Variants in KDM4C observed in about 807,000 individuals in gnomAD.
KDM4C encodes lysine-specific demethylase 4C.
Under a neutral mutation model 129.3 loss-of-function variants are expected in KDM4C, and 81 were observed. The ratio of observed to expected loss-of-function variants is 0.63; its 90% CI spans 0.52 to 0.75. The LOEUF (loss-of-function observed/expected upper bound fraction) is 0.75. KDM4C is among the 30% of genes least tolerant of loss of function. The pLI is 0.00. For synonymous variants in KDM4C, 573 were observed against 456.1 expected (o/e 1.26, Z -3.26); for missense variants, 1,457 against 1,304.0 (o/e 1.12, Z -1.81).
chr9:6,750,476 T>C (rs1488329171), intron 1 of KDM4C, among the ~76,000 whole-genome samples: 3 of 150,274 alleles, frequency 2.0e-5, no homozygotes, highest in Non-Finnish European at 4.4e-5. Flanking sequence ...GCAAAAGCAC[T>C]TGAAGCGAAA....
At chr9:6,950,419 C>T (rs747712815) in intron 8 of KDM4C, among the ~76,000 whole-genome samples, 5 of 152,002 alleles carry the variant, frequency 3.3e-5, no homozygotes, top group Non-Finnish European at 5.9e-5. Context: ...AGAGTGCAGC[C>T]TCTAGGTATG....
chr9:6,798,806 G>T (rs1360552661), intron 2 of KDM4C, among the ~76,000 whole-genome samples: 1 of 152,166 alleles, frequency 6.6e-6, no homozygotes, highest in African/African-American at 2.4e-5. Context: ...TCACTTCCCC[G>T]TAGGGGCGGC....
intron 1 of KDM4C, among the ~76,000 whole-genome samples, chr9:6,728,720 C>G (rs1349981337): frequency 6.6e-6 from 1 of 151,694 alleles, no homozygotes; most frequent in Non-Finnish European, 1.5e-5. Context: ...GTGGCGCATG[C>G]CTATAATCCC....
At chr9:7,098,483 G>A (rs1836704714) in intron 17 of KDM4C, among the ~76,000 whole-genome samples, 1 of 152,174 alleles carries the variant, frequency 6.6e-6, no homozygotes, top group Admixed American at 6.5e-5. Flanking sequence ...AACTTTTGGG[G>A]AAGAGAGACA....
At chr9:6,970,803 C>G (rs1484448995) in intron 8 of KDM4C, among the ~76,000 whole-genome samples, 2 of 140,266 alleles carry the variant, frequency 1.4e-5, no homozygotes, top group Admixed American at 1.4e-4. Context: ...ACCCCCCGCC[C>G]CTAACCCCCA....
chr9:6,959,132 C>G (rs1222785652), intron 8 of KDM4C, among the ~76,000 whole-genome samples: 3 of 152,160 alleles, frequency 2.0e-5, no homozygotes, highest in Non-Finnish European at 2.9e-5. Context: ...AATGACTTAG[C>G]TTGATGTAGA....
chr9:6,948,559 A>G (rs1193565286), intron 8 of KDM4C, among the ~76,000 whole-genome samples: 1 of 149,200 alleles, frequency 6.7e-6, no homozygotes, highest in Non-Finnish European at 1.5e-5. Context: ...TCATAGGACA[A>G]TAGTGGAGGG....
chr9:7,100,631 C>T (rs1836968380), intron 17 of KDM4C, among the ~76,000 whole-genome samples: 1 of 152,210 alleles, frequency 6.6e-6, no homozygotes, highest in Non-Finnish European at 1.5e-5. Flanking sequence ...TGAGCCACCA[C>T]TCTCAGCCTA....
chr9:7,000,451 A>G (rs1455022437), intron 12 of KDM4C, among the ~76,000 whole-genome samples: 3 of 152,196 alleles, frequency 2.0e-5, no homozygotes, highest in East Asian at 1.9e-4. Flanking sequence ...AGATGATAAG[A>G]AAGAGTTTGA....
chr9:6,730,726 C>A (rs1817304660), intron 1 of KDM4C, among the ~76,000 whole-genome samples: 1 of 152,132 alleles, frequency 6.6e-6, no homozygotes, highest in Non-Finnish European at 1.5e-5. Flanking sequence ...AGGGATGCCT[C>A]ATGGTCAGAA....
intron 15 of KDM4C, among the ~76,000 whole-genome samples, chr9:7,022,580 C>T (rs1258469390): frequency 1.3e-5 from 2 of 150,406 alleles, no homozygotes; most frequent in East Asian, 1.9e-4. Context: ...AAGATTATAT[C>T]ATCTGCAAAC....
chr9:7,174,245 C>G (rs1259762395), intron 21 of KDM4C, among the ~76,000 whole-genome samples: 2 of 32,310 alleles, frequency 6.2e-5, no homozygotes, highest in Non-Finnish European at 1.3e-4. Flanking sequence ...TGACATTTGT[C>G]AAAAACAGAG....
At chr9:7,109,731 C>A (rs559461284) in intron 18 of KDM4C, among the ~76,000 whole-genome samples, 1 of 152,248 alleles carries the variant, frequency 6.6e-6, no homozygotes, top group South Asian at 2.1e-4. Context: ...AAATTTTCTT[C>A]TTGATGTTCT....
chr9:7,038,860 G>A (rs968792424), intron 15 of KDM4C, among the ~76,000 whole-genome samples: 1 of 151,718 alleles, frequency 6.6e-6, no homozygotes, highest in African/African-American at 2.4e-5. Flanking sequence ...TATTCTTGAG[G>A]TTGGTTTTCT....
chr9:6,920,323 A>G (rs528149476), intron 8 of KDM4C, among the ~76,000 whole-genome samples: 1 of 152,176 alleles, frequency 6.6e-6, no homozygotes, highest in African/African-American at 2.4e-5. Flanking sequence ...AGGTTTTATA[A>G]TAGTGATGTT....
chr9:7,125,269 A>C (rs959659374), intron 18 of KDM4C, among the ~76,000 whole-genome samples: 3 of 151,952 alleles, frequency 2.0e-5, no homozygotes, highest in Non-Finnish European at 4.4e-5. Flanking sequence ...TCTGTCCTTG[A>C]TTGTGTTCTT....
intron 2 of KDM4C, among the ~76,000 whole-genome samples, chr9:6,804,561 C>T (rs1386878948): frequency 6.6e-6 from 1 of 151,954 alleles, no homozygotes; most frequent in African/African-American, 2.4e-5. Flanking sequence ...AGTTCAAGAC[C>T]ATCCTGGCCA....
intron 5 of KDM4C, among the ~76,000 whole-genome samples, chr9:6,851,487 G>T (rs533243909): frequency 6.6e-6 from 1 of 151,998 alleles, no homozygotes; most frequent in Non-Finnish European, 1.5e-5. Context: ...TGCTCTTTCT[G>T]ACATTCACTT....
chr9:7,077,976 A>C (rs896083423), intron 17 of KDM4C, among the ~76,000 whole-genome samples: 4 of 152,214 alleles, frequency 2.6e-5, no homozygotes, highest in African/African-American at 9.7e-5. Flanking sequence ...TCTCCAGCAC[A>C]ATTAAAGGAA....
Sources: allele counts gnomAD v4.1 joint callset (sites outside exome capture counted in the v4.1 genomes callset), GRCh38; gene constraint gnomAD v4.1.1; transcripts MANE v1.5; gene names NCBI Gene and HGNC (gene_info 2026-07-23, HGNC 2026-07-21).